Variants in SUCLG2 observed in about 807,000 individuals in gnomAD.
SUCLG2 encodes succinate-CoA ligase GDP-forming subunit beta, also known as succinate--CoA ligase [GDP-forming] subunit beta, mitochondrial.
SUCLG2 carries 42 observed loss-of-function variants against 47.9 expected under a neutral mutation model. The observed-to-expected ratio is 0.88, with a 90% CI of 0.69 to 1.14. SUCLG2 has a LOEUF of 1.14. Among genes scored for constraint, SUCLG2 ranks in the 50% most tolerant of loss-of-function variants. The pLI is 0.00. For synonymous variants in SUCLG2, 195 were observed against 197.3 expected, an observed-to-expected ratio of 0.99 and a Z score of 0.10; for missense variants, 571 against 525.9, an observed-to-expected ratio of 1.09 and a Z score of -0.84.
Position 67,362,218 on chromosome 3 carries a change from T to C in SUCLG2, c.1184-1450A>G, listed in dbSNP as rs530403225. 3.5e-4 allele frequency among the ~76,000 whole-genome samples: 53 copies of C among 152,316 alleles called. No individual in the cohort carries two copies. The South Asian group carries it at 9.9e-3, about 29-fold the overall frequency. Reference sequence around the variant, plus strand: ...ACCCACTCCAGCAACATTAGACTTATCTATTTAAGAGAACTTTTCATGTAC... The same window carrying C: ...ACCCACTCCAGCAACATTAGACTTACCTATTTAAGAGAACTTTTCATGTAC... On this transcript the variant is annotated intron_variant, in intron 10 of 10. Coordinates refer to the SUCLG2 transcript ENST00000493112.
intron 2 of SUCLG2, among the ~76,000 whole-genome samples, chr3:67,585,771 T>C (rs770841128): frequency 6.6e-5 from 10 of 151,976 alleles, no homozygotes; most frequent in African/African-American, 2.2e-4. Flanking sequence ...AAGACCAGCC[T>C]GGCTGACATG....
chr3:67,528,970 G>C (rs1706329988), intron 3 of SUCLG2, 117 bp downstream of exon 3: 2 of 728,214 alleles, frequency 2.7e-6, no homozygotes, highest in Non-Finnish European at 4.5e-6. Flanking sequence ...GTTTCTTCTA[G>C]TTGCTTTGGC....
intron 2 of SUCLG2, among the ~76,000 whole-genome samples, chr3:67,600,662 T>C (rs1708399732): frequency 6.6e-6 from 1 of 152,220 alleles, no homozygotes; most frequent in Non-Finnish European, 1.5e-5. Context: ...ATTGAAACTG[T>C]ATTTCCCAGC....
intron 9 of SUCLG2, among the ~76,000 whole-genome samples, chr3:67,429,896 C>G (rs1338040533): frequency 6.6e-6 from 1 of 152,160 alleles, no homozygotes; most frequent in Non-Finnish European, 1.5e-5. Flanking sequence ...ACAAGAAGAG[C>G]TAAGTATCCT....
At chr3:67,511,549 C>T (rs1176993545) in intron 6 of SUCLG2, among the ~76,000 whole-genome samples, 4 of 152,182 alleles carry the variant, frequency 2.6e-5, no homozygotes, top group Non-Finnish European at 5.9e-5. Context: ...AGTCCCTTCA[C>T]TCTTCCTTCG....
chr3:67,388,707 G>A (rs905859309), intron 10 of SUCLG2, among the ~76,000 whole-genome samples: 4 of 152,150 alleles, frequency 2.6e-5, no homozygotes, highest in Admixed American at 2.6e-4. Flanking sequence ...TCCCTTTAAG[G>A]GACAAAAGTC....
At chr3:67,585,904 T>C (rs1708001757) in intron 2 of SUCLG2, among the ~76,000 whole-genome samples, 1 of 135,890 alleles carries the variant, frequency 7.4e-6, no homozygotes, top group Non-Finnish European at 1.5e-5. Flanking sequence ...GAGGTGGAGG[T>C]AGCAGTGAGC....
intron 10 of SUCLG2, among the ~76,000 whole-genome samples, chr3:67,385,253 G>T (rs889699055): frequency 6.6e-6 from 1 of 152,146 alleles, no homozygotes; most frequent in African/African-American, 2.4e-5. Context: ...TTATAAAAAT[G>T]GCCACACCCA....
chr3:67,442,198 G>A (rs1467991051), intron 9 of SUCLG2, among the ~76,000 whole-genome samples: 1 of 151,446 alleles, frequency 6.6e-6, no homozygotes, highest in African/African-American at 2.4e-5. Flanking sequence ...TTTTAGTAGA[G>A]ACGGGGTTTC....
chr3:67,507,498 T>C (rs1669745563), intron 7 of SUCLG2, among the ~76,000 whole-genome samples: 1 of 151,096 alleles, frequency 6.6e-6, no homozygotes, highest in African/African-American at 2.4e-5. Flanking sequence ...GAGCTAGACA[T>C]CATTTCTACC....
At chr3:67,606,847 C>A (rs1265129972) in intron 2 of SUCLG2, among the ~76,000 whole-genome samples, 1 of 152,174 alleles carries the variant, frequency 6.6e-6, no homozygotes, top group Non-Finnish European at 1.5e-5. Flanking sequence ...TCCACAGTGC[C>A]TAGTACATGG....
rs557377794 is a variant in SUCLG2 at position 67,568,506 on chromosome 3, A to G, written c.227-39320T>C. Among the ~76,000 whole-genome samples, 5 of 152,350 alleles carry G rather than the reference A, an allele frequency of 3.3e-5. No individual in the cohort carries two copies. In the South Asian group the frequency reaches 6.2e-4, roughly 19 times the overall value. On this transcript the variant is annotated intron_variant, in intron 2 of 10. Coordinates refer to ENST00000307227, the MANE Select transcript of SUCLG2 (RefSeq NM_003848.4). The stretch of plus-strand genomic sequence containing the variant: ...AAGAAAACTTAAGTGGCATCTTTTT[A>G]AAAGAAAGCATAAGTATTTTCTGAA...
At position 67,430,999 on chromosome 3, in the gene SUCLG2, T is replaced by G. The variant is rs564194238; in HGVS notation, c.1063-30148A>C. Among the ~76,000 whole-genome samples, 10 of 152,306 alleles carry G rather than the reference T, an allele frequency of 6.6e-5. No individual in the cohort carries two copies. The South Asian group carries it at 1.9e-3, about 28-fold the overall frequency. The stretch of plus-strand genomic sequence containing the variant: ...AAAAAAAGTCCAGGACCAGACGGAT[T>G]CACAGCCGAATTCTACCAGAGGTAC... On this transcript the variant is annotated intron_variant, in intron 9 of 10. Transcript: ENST00000307227.
At chr3:67,589,093 T>C (rs80176671) in intron 2 of SUCLG2, among the ~76,000 whole-genome samples, 1 of 152,152 alleles carries the variant, frequency 6.6e-6, no homozygotes, top group Non-Finnish European at 1.5e-5. Flanking sequence ...ACCAAGTACC[T>C]GGCCATCACC....
chr3:67,650,719 C>T (rs547796851), intron 1 of SUCLG2, among the ~76,000 whole-genome samples: 2 of 151,948 alleles, frequency 1.3e-5, no homozygotes, highest in South Asian at 2.1e-4. Context: ...ATCAGGCCAC[C>T]GCACTCCAGC....
chr3:67,482,316 C>T (rs1365503193), intron 9 of SUCLG2, among the ~76,000 whole-genome samples: 1 of 152,200 alleles, frequency 6.6e-6, no homozygotes, highest in African/African-American at 2.4e-5. Flanking sequence ...TGGGGCTTCA[C>T]TTTCCGTCCT....
At position 67,540,613 on chromosome 3, in the gene SUCLG2, G is replaced by A. The variant is rs567174404; in HGVS notation, c.227-11427C>T. Among the ~76,000 whole-genome samples, 49 of 152,270 alleles carry A rather than the reference G, an allele frequency of 3.2e-4. No individual in the cohort carries two copies. In the South Asian group the frequency reaches 4.1e-3, roughly 13 times the overall value. On this transcript the variant is annotated intron_variant, in intron 2 of 10. Coordinates refer to ENST00000307227, the MANE Select transcript of SUCLG2 (RefSeq NM_003848.4). Reference sequence around the variant, plus strand: ...GCACCTGCCAGAAGGGGCGGCTGTGGGCACAGCTTCAGCAAACTTAAAAGT... The same window carrying A: ...GCACCTGCCAGAAGGGGCGGCTGTGAGCACAGCTTCAGCAAACTTAAAAGT...
chr3:67,459,371 A>G (rs1020802292), intron 9 of SUCLG2, among the ~76,000 whole-genome samples: 2 of 152,334 alleles, frequency 1.3e-5, no homozygotes, highest in South Asian at 2.1e-4. Flanking sequence ...AACACCAGGC[A>G]GGCAGCAAAT....
intron 9 of SUCLG2, among the ~76,000 whole-genome samples, chr3:67,430,813 A>T (rs370175873): frequency 6.6e-6 from 1 of 152,224 alleles, no homozygotes; most frequent in Admixed American, 6.5e-5. Flanking sequence ...ATCAGAGAAT[A>T]CTATAAACAC....
Sources: gnomAD v4.1 joint callset for allele counts (sites outside exome capture counted in the v4.1 genomes callset) on GRCh38, gnomAD v4.1.1 for gene constraint, MANE v1.5 for transcripts, NCBI Gene and HGNC (gene_info 2026-07-23, HGNC 2026-07-21) for gene names.